The following MARK1 variants were observed in gnomAD, a reference collection of about 807,000 sequenced individuals.
MARK1 encodes the protein serine/threonine-protein kinase MARK1.
A neutral mutation model predicts 96.3 loss-of-function variants in MARK1; 40 were observed. The ratio of observed to expected loss-of-function variants is 0.42; its 90% CI spans 0.32 to 0.54. The LOEUF (loss-of-function observed/expected upper bound fraction) is 0.54, where lower values mean the gene tolerates loss of function less well. MARK1 is among the 20% of genes least tolerant of loss of function. The pLI is 0.16. For missense variants in MARK1, 719 were observed against 984.6 expected (o/e 0.73, Z 3.61); for synonymous variants, 317 against 341.2 (o/e 0.93, Z 0.78).
At chr1:220,580,978 G>T in intron 2 of MARK1, 87 bp from the exon 3 acceptor site, 1 of 478,312 alleles carries the variant, frequency 2.1e-6, no homozygotes, top group Non-Finnish European at 3.7e-6. Flanking sequence ...ATCTAGTTAG[G>T]AATGAAACAG....
At chr1:220,582,919 A>T (rs1664334335) in intron 3 of MARK1, among the ~76,000 whole-genome samples, 3 of 152,154 alleles carry the variant, frequency 2.0e-5, no homozygotes, top group Admixed American at 2.0e-4. Context: ...TGTGTGTGTG[A>T]TTGTTTTTTG....
At chr1:220,557,602 T>C (rs1164426737) in intron 1 of MARK1, among the ~76,000 whole-genome samples, 1 of 152,066 alleles carries the variant, frequency 6.6e-6, no homozygotes, top group Admixed American at 6.6e-5. Flanking sequence ...AAATGAAAAC[T>C]AAGATTTTTC....
intron 17 of MARK1, among the ~76,000 whole-genome samples, chr1:220,659,538 T>C (rs1287073785): frequency 2.0e-5 from 3 of 152,214 alleles, no homozygotes; most frequent in Admixed American, 2.0e-4. Flanking sequence ...TAATACATTT[T>C]AGGCACTTAG....
At chr1:220,561,677 A>G (rs902845483) in intron 1 of MARK1, among the ~76,000 whole-genome samples, 2 of 152,202 alleles carry the variant, frequency 1.3e-5, no homozygotes, top group Non-Finnish European at 2.9e-5. Context: ...ATATTGTCTG[A>G]GTTATTATTA....
At chr1:220,621,547 G>C (rs561421175) in intron 9 of MARK1, among the ~76,000 whole-genome samples, 1 of 152,094 alleles carries the variant, frequency 6.6e-6, no homozygotes, top group Admixed American at 6.5e-5. Context: ...TTAATGAATA[G>C]TTTGTGCTTC....
intron 3 of MARK1, among the ~76,000 whole-genome samples, chr1:220,585,834 A>G (rs1370275617): frequency 6.6e-6 from 1 of 152,140 alleles, no homozygotes; most frequent in South Asian, 2.1e-4. Context: ...CAGTCAATCT[A>G]TGATTGTGAC....
intron 1 of MARK1, among the ~76,000 whole-genome samples, chr1:220,537,207 T>C (rs544313590): frequency 7.0e-4 from 104 of 149,238 alleles, no homozygotes; most frequent in African/African-American, 2.5e-3. Context: ...CATTTAGCAT[T>C]AGGTATATCT....
intron 3 of MARK1, among the ~76,000 whole-genome samples, chr1:220,585,684 G>A (rs1020737743): frequency 3.9e-5 from 6 of 152,102 alleles, no homozygotes; most frequent in Admixed American, 3.3e-4. Context: ...CACGTTTTGA[G>A]TTTAGTAAGC....
At position 220,599,836 on chromosome 1, in the gene MARK1, T is replaced by C. The variant is rs771551434; in HGVS notation, c.397T>C (p.Tyr133His). 6.2e-7 allele frequency: 1 copy of C among 1,609,412 alleles called. No homozygotes were observed. Among genetic ancestry groups the C allele is most frequent in the Non-Finnish European group, 8.5e-7 (1 of 1,177,228 alleles). ...FEVIETEKTL[Y>H]LVMEYASGGE... ...AGTTATTGAAACAGAGAAGACTCTC[T>C]ATTTAGTCATGGAATACGCGAGTGG... The change falls in exon 5 of 18, where the codon TAT (tyrosine) becomes CAT (histidine). Residue 133 changes from tyrosine to histidine, a missense_variant. Physicochemically the swap from Tyr to His is moderately conservative, Grantham distance 83. This residue lies in a region of MARK1 where 96 missense variants were observed against 213.1 expected (regional missense o/e 0.45). Transcript: ENST00000366917.
chr1:220,648,207 A>T (rs2103045762), intron 13 of MARK1, among the ~76,000 whole-genome samples: 1 of 152,310 alleles, frequency 6.6e-6, no homozygotes, highest in East Asian at 1.9e-4. Context: ...ATATCACTTT[A>T]CTGTGAAAGA....
chr1:220,554,966 C>T (rs911797402), intron 1 of MARK1, among the ~76,000 whole-genome samples: 1 of 152,198 alleles, frequency 6.6e-6, no homozygotes, highest in Admixed American at 6.5e-5. Flanking sequence ...ATGGCTTCCA[C>T]TTGTCCTTTC....
intron 1 of MARK1, among the ~76,000 whole-genome samples, chr1:220,537,505 G>A (rs1332370270): frequency 6.7e-6 from 1 of 150,374 alleles, no homozygotes; most frequent in Non-Finnish European, 1.5e-5. Flanking sequence ...CATTTGGGTT[G>A]GTTCCAAGTC....
intron 6 of MARK1, among the ~76,000 whole-genome samples, chr1:220,609,759 A>G (rs978653124): frequency 6.6e-6 from 1 of 152,202 alleles, no homozygotes; most frequent in Admixed American, 6.5e-5. Context: ...GGTGGTGACA[A>G]AATCTCTCAG....
chr1:220,560,013 A>G (rs1054775043), intron 1 of MARK1, among the ~76,000 whole-genome samples: 4 of 152,186 alleles, frequency 2.6e-5, no homozygotes, highest in African/African-American at 7.2e-5. Flanking sequence ...TCACAGTTCC[A>G]TATGGCTGGG....
intron 1 of MARK1, among the ~76,000 whole-genome samples, chr1:220,576,425 A>C (rs1663855216): frequency 6.6e-6 from 1 of 151,266 alleles, no homozygotes; most frequent in African/African-American, 2.4e-5. Flanking sequence ...ATTGGCCAAA[A>C]AAAAAAAAAA....
intron 1 of MARK1, among the ~76,000 whole-genome samples, chr1:220,551,407 G>A (rs538768548): frequency 1.3e-5 from 2 of 152,324 alleles, no homozygotes; most frequent in East Asian, 1.9e-4. Flanking sequence ...CGGAGTTCCA[G>A]TTTAGCTAAG....
chr1:220,572,946 A>G (rs1220836331), intron 1 of MARK1, among the ~76,000 whole-genome samples: 1 of 152,152 alleles, frequency 6.6e-6, no homozygotes, highest in African/African-American at 2.4e-5. Context: ...TGATTTTTCT[A>G]TAGCACTTTA....
In MARK1 at chr1:220,615,950, T is replaced by C. The variant is rs1666721500; in HGVS notation, c.507T>C (p.Ala169=). Residue 169 remains alanine, a synonymous_variant, in exon 7 of 18, where the codon GCT becomes GCC. Coordinates refer to ENST00000366917, the MANE Select transcript of MARK1 (RefSeq NM_018650.5). ...ARAKFRQIVS[A]VQYCHQKYIV... Reference sequence around the variant, plus strand: ...AATGTTTATTCCAGATTGTATCTGCTGTACAGTATTGTCATCAAAAGTACA... The same window carrying C: ...AATGTTTATTCCAGATTGTATCTGCCGTACAGTATTGTCATCAAAAGTACA... 6.4e-7 allele frequency: 1 copy of C among 1,553,852 alleles called. No homozygotes were observed. Among genetic ancestry groups the C allele is most frequent in the South Asian group, 1.2e-5 (1 of 84,638 alleles).
intron 6 of MARK1, among the ~76,000 whole-genome samples, chr1:220,613,104 C>G (rs1666547865): frequency 6.6e-6 from 1 of 152,114 alleles, no homozygotes; most frequent in Non-Finnish European, 1.5e-5. Flanking sequence ...ATAGAAGGCT[C>G]ATAGGGAAGT....
Sources: allele counts gnomAD v4.1 joint callset (sites outside exome capture counted in the v4.1 genomes callset), GRCh38; gene constraint gnomAD v4.1.1; regional missense constraint gnomAD v4.1.1; transcripts MANE v1.5; gene names NCBI Gene and HGNC (gene_info 2026-07-23, HGNC 2026-07-21).